Variants in NKAIN2 observed in about 807,000 individuals in gnomAD.
The protein encoded by NKAIN2 is sodium/potassium-transporting ATPase subunit beta-1-interacting protein 2.
NKAIN2 carries 14 observed loss-of-function variants against 32.6 expected under a neutral mutation model. The ratio of observed to expected loss-of-function variants is 0.43; its 90% CI spans 0.28 to 0.67. NKAIN2 has a LOEUF of 0.67. Ranked by LOEUF, NKAIN2 falls within the 30% of genes least tolerant of loss-of-function variation. The pLI, the probability that NKAIN2 is intolerant of heterozygous loss-of-function variation, is 0.17. For synonymous variants in NKAIN2, 80 were observed against 87.2 expected (o/e 0.92, Z 0.46); for missense variants, 198 against 258.3 (o/e 0.77, Z 1.60).
At chr6:124,144,060 T>G (rs143726547) in intron 1 of NKAIN2, among the ~76,000 whole-genome samples, 2,039 of 152,308 alleles carry the variant, frequency 0.013, 45 homozygotes, top group African/African-American at 0.046. Context: ...GACAATTTAA[T>G]GAAGAGATGT....
In NKAIN2 at chr6:124,595,840, C is replaced by G. The variant is rs533952090; in HGVS notation, c.274-62346C>G. ...GAAGATGTTACTGAGTTCTGCAGAGCTAATTACACATAAGGTCTATTTCTT... is the reference window on the plus strand; with the variant it reads ...GAAGATGTTACTGAGTTCTGCAGAGGTAATTACACATAAGGTCTATTTCTT... On this transcript the variant is annotated intron_variant, in intron 3 of 6. Transcript: ENST00000368417. 2.6e-5 allele frequency among the ~76,000 whole-genome samples: 4 copies of G among 152,274 alleles called. No homozygotes were observed. In the East Asian group the frequency reaches 7.7e-4, roughly 29 times the overall value.
intron 3 of NKAIN2, among the ~76,000 whole-genome samples, chr6:124,400,172 CT>C (rs1773564895): frequency 6.6e-6 from 1 of 152,118 alleles, no homozygotes; most frequent in African/African-American, 2.4e-5. Context: ...TTAGAATCTC[CT>C]GCGGATCTTT....
chr6:124,314,597 G>A (rs1164458721), intron 2 of NKAIN2, among the ~76,000 whole-genome samples: 1 of 152,118 alleles, frequency 6.6e-6, no homozygotes, highest in Non-Finnish European at 1.5e-5. Flanking sequence ...CTTCAGAGTT[G>A]TGCCAAATTG....
chr6:124,061,927 G>A (rs942563693), intron 1 of NKAIN2, among the ~76,000 whole-genome samples: 8 of 152,156 alleles, frequency 5.3e-5, no homozygotes, highest in African/African-American at 1.9e-4. Context: ...AGTAGAGCTA[G>A]AGATAAGAGA....
intron 1 of NKAIN2, among the ~76,000 whole-genome samples, chr6:124,062,325 C>T (rs1057176408): frequency 6.6e-6 from 1 of 152,124 alleles, no homozygotes; most frequent in African/African-American, 2.4e-5. Context: ...AATATTGTGA[C>T]AATGAGTAGC....
intron 3 of NKAIN2, among the ~76,000 whole-genome samples, chr6:124,565,561 G>A (rs771373471): frequency 8.5e-5 from 13 of 152,106 alleles, no homozygotes; most frequent in Non-Finnish European, 1.5e-4. Flanking sequence ...CCTCCTTTTG[G>A]ATTCACTTTC....
At chr6:124,190,406 A>T (rs963805364) in intron 1 of NKAIN2, among the ~76,000 whole-genome samples, 1 of 152,340 alleles carries the variant, frequency 6.6e-6, no homozygotes, top group Admixed American at 6.5e-5. Flanking sequence ...CATTTGAATG[A>T]CTGACTCAAT....
At chr6:124,293,614 C>T (rs1482698584) in intron 2 of NKAIN2, among the ~76,000 whole-genome samples, 12 of 151,968 alleles carry the variant, frequency 7.9e-5, no homozygotes, top group Admixed American at 1.3e-4. Context: ...TCAAATTTTC[C>T]ACTTCTTGAA....
intron 1 of NKAIN2, among the ~76,000 whole-genome samples, chr6:124,215,105 A>C (rs1411054889): frequency 2.0e-5 from 3 of 152,228 alleles, no homozygotes; most frequent in Non-Finnish European, 2.9e-5. Flanking sequence ...GATATTAAAA[A>C]AACAATAATC....
At chr6:123,947,841 A>G (rs1777142528) in intron 1 of NKAIN2, among the ~76,000 whole-genome samples, 1 of 152,098 alleles carries the variant, frequency 6.6e-6, no homozygotes, top group African/African-American at 2.4e-5. Context: ...GCTATCAAAC[A>G]TTAAAACCTA....
intron 4 of NKAIN2, among the ~76,000 whole-genome samples, chr6:124,670,013 T>G (rs569355639): frequency 2.2e-4 from 33 of 152,140 alleles, no homozygotes; most frequent in African/African-American, 7.5e-4. Flanking sequence ...CTGTTTTCTA[T>G]CTCCTCCCAT....
At position 124,823,253 on chromosome 6, in the gene NKAIN2, C is replaced by G; in HGVS notation, c.*24C>G. On this transcript the variant is annotated 3_prime_UTR_variant, in exon 7 of 7. Transcript: ENST00000368417. ...AATACAGATGACTTCAGTATGTCAG[C>G]CCATGGACCTTTCAAAGAACTTTTT... The G allele has an allele frequency of 1.3e-6, 2 of 1,568,974 alleles. No individual in the cohort carries two copies. Among genetic ancestry groups the G allele is most frequent in the Non-Finnish European group, 1.8e-6 (2 of 1,138,512 alleles).
At chr6:124,325,090 GA>G in intron 2 of NKAIN2, among the ~76,000 whole-genome samples, 1 of 152,088 alleles carries the variant, frequency 6.6e-6, no homozygotes, top group Non-Finnish European at 1.5e-5. Context: ...GCCAATTCAT[GA>G]AAAATGAAAT....
intron 2 of NKAIN2, among the ~76,000 whole-genome samples, chr6:124,348,136 T>C (rs1032104266): frequency 1.3e-5 from 2 of 152,200 alleles, no homozygotes; most frequent in Non-Finnish European, 2.9e-5. Context: ...AGCAGCATTG[T>C]CTGCAGAACC....
intron 1 of NKAIN2, among the ~76,000 whole-genome samples, chr6:124,053,270 A>G: frequency 6.6e-6 from 1 of 151,910 alleles, no homozygotes; most frequent in East Asian, 1.9e-4. Context: ...GGGGCCTACA[A>G]TGTGTGCGAC....
At chr6:124,592,175 G>C (rs1781935886) in intron 3 of NKAIN2, among the ~76,000 whole-genome samples, 1 of 152,092 alleles carries the variant, frequency 6.6e-6, no homozygotes, top group Non-Finnish European at 1.5e-5. Context: ...AGCTAAACTT[G>C]GAGTTTGATA....
Position 124,184,006 on chromosome 6 carries a change from AAAC to A in NKAIN2, c.55-98996_55-98994del, listed in dbSNP as rs1789582736. 2.0e-5 allele frequency among the ~76,000 whole-genome samples: 3 copies of A among 152,312 alleles called. No individual in the cohort carries two copies. In the South Asian group the frequency reaches 6.2e-4, roughly 32 times the overall value. On this transcript the variant is annotated intron_variant, in intron 1 of 6. Coordinates refer to ENST00000368417, the MANE Select transcript of NKAIN2 (RefSeq NM_001040214.3). ...TAATGTGTATCCTGACAGATCATCAAAACAAGAAAAGAAAGAGCTCAGCAGACA... is the reference window on the plus strand; with the variant it reads ...TAATGTGTATCCTGACAGATCATCAAAAGAAAAGAAAGAGCTCAGCAGACA...
intron 1 of NKAIN2, among the ~76,000 whole-genome samples, chr6:124,250,239 G>C (rs746568049): frequency 2.6e-5 from 4 of 152,008 alleles, no homozygotes; most frequent in Non-Finnish European, 5.9e-5. Context: ...CCTCCCAAAA[G>C]GTGAAAAATA....
chr6:124,013,391 G>T (rs1053430618), intron 1 of NKAIN2, among the ~76,000 whole-genome samples: 2 of 151,966 alleles, frequency 1.3e-5, no homozygotes, highest in Admixed American at 6.6e-5. Flanking sequence ...AAGTCACAAA[G>T]GTTTATACTA....
Sources: gnomAD v4.1 joint callset for allele counts (sites outside exome capture counted in the v4.1 genomes callset) on GRCh38, gnomAD v4.1.1 for gene constraint, MANE v1.5 for transcripts, NCBI Gene and HGNC (gene_info 2026-07-23, HGNC 2026-07-21) for gene names.